Variants in RBFOX1 observed in about 807,000 individuals in gnomAD.
RBFOX1 encodes RNA binding fox-1 homolog 1.
RBFOX1 carries 8 observed loss-of-function variants against 57.7 expected under a neutral mutation model. That is an observed-to-expected ratio of 0.14 (90% CI 0.08 to 0.25). The LOEUF (loss-of-function observed/expected upper bound fraction) is 0.25, where lower values mean the gene tolerates loss of function less well. Among genes scored for constraint, RBFOX1 ranks in the 10% least tolerant of loss-of-function variants. RBFOX1 has a pLI of 1.00. For synonymous variants in RBFOX1, 326 were observed against 222.4 expected (o/e 1.47, Z -4.15); for missense variants, 611 against 548.5 (o/e 1.11, Z -1.14).
rs369724208 is a variant in RBFOX1 at position 7,119,924 on chromosome 16, T to C, written c.27+67826T>C. The stretch of plus-strand genomic sequence containing the variant: ...CCGTTCTGTTCAAGTCCACATGAGA[T>C]ATTTACCAAGATAAACCATATTCTG... On this transcript the variant is annotated intron_variant, in intron 4 of 15. Transcript: ENST00000550418. Among the ~76,000 whole-genome samples, 60 of 152,278 alleles carry C rather than the reference T, an allele frequency of 3.9e-4. No homozygotes were observed. The East Asian group carries it at 0.01, about 25-fold the overall frequency.
chr16:7,122,772 T>C (rs1174794513), intron 4 of RBFOX1, among the ~76,000 whole-genome samples: 1 of 152,178 alleles, frequency 6.6e-6, no homozygotes, highest in East Asian at 1.9e-4. Context: ...TGTCTGTGTA[T>C]AGCAACTCTA....
chr16:7,245,062 C>T (rs1488583211), intron 4 of RBFOX1, among the ~76,000 whole-genome samples: 2 of 152,250 alleles, frequency 1.3e-5, no homozygotes, highest in East Asian at 3.9e-4. Flanking sequence ...TGATTGTTTA[C>T]CTAAGAGAGT....
At position 6,680,899 on chromosome 16, in the gene RBFOX1, T is replaced by C. The variant is rs150136355; in HGVS notation, c.-16+26249T>C. 8.3e-3 allele frequency among the ~76,000 whole-genome samples: 1,270 copies of C among 152,358 alleles called. 60 individuals carry two copies. The highest frequency in any genetic ancestry group is 0.076 in the Admixed American group (1,156 of 15,296). On this transcript the variant is annotated intron_variant, in intron 3 of 15. Coordinates refer to ENST00000550418, the MANE Select transcript of RBFOX1 (RefSeq NM_018723.4). Reference sequence around the variant, plus strand: ...CATGGTGAGCATAGAATTGAATCAATATTTATACAAAGATTACAATATAAA... The same window carrying C: ...CATGGTGAGCATAGAATTGAATCAACATTTATACAAAGATTACAATATAAA...
At chr16:7,121,485 G>A (rs1765818729) in intron 4 of RBFOX1, among the ~76,000 whole-genome samples, 1 of 151,936 alleles carries the variant, frequency 6.6e-6, no homozygotes, top group Admixed American at 6.6e-5. Flanking sequence ...TCCAAAAAAT[G>A]CAATACTTAG....
Position 5,831,355 on chromosome 16 carries a change from C to G in RBFOX1, c.319-35948C>G, listed in dbSNP as rs369596028. Among the ~76,000 whole-genome samples the G allele has an allele frequency of 4.0e-4, 61 of 152,254 alleles. No homozygotes were observed. The East Asian group carries it at 6.2e-3, about 15-fold the overall frequency. On this transcript the variant is annotated intron_variant, in intron 3 of 19. Transcript: ENST00000641259. ...TCTTGCTCCTGCTCTGGCCATGGGACCTGCCTGTTCCCACTTGGCTTTCCA... is the reference window on the plus strand; with the variant it reads ...TCTTGCTCCTGCTCTGGCCATGGGAGCTGCCTGTTCCCACTTGGCTTTCCA...
intron 1 of RBFOX1, among the ~76,000 whole-genome samples, chr16:6,052,601 G>A (rs913980238): frequency 2.1e-4 from 32 of 151,834 alleles, no homozygotes; most frequent in African/African-American, 7.3e-4. Context: ...TGGCTAACTT[G>A]GTGAAACTCT....
chr16:6,962,912 G>T (rs1467542268), intron 3 of RBFOX1, among the ~76,000 whole-genome samples: 1 of 134,044 alleles, frequency 7.5e-6, no homozygotes, highest in Non-Finnish European at 1.6e-5. Flanking sequence ...GGGATGGGGT[G>T]ATTTGGGTGG....
chr16:5,511,532 C>G (rs1196745788), intron 2 of RBFOX1, among the ~76,000 whole-genome samples: 1 of 152,150 alleles, frequency 6.6e-6, no homozygotes, highest in Non-Finnish European at 1.5e-5. Context: ...TCATCTGTTA[C>G]TTCCCTCCTT....
At chr16:5,395,104 G>A (rs531115665) in intron 1 of RBFOX1, among the ~76,000 whole-genome samples, 177 of 152,274 alleles carry the variant, frequency 1.2e-3, no homozygotes, top group Non-Finnish European at 1.9e-3. Flanking sequence ...AGCATGGTTC[G>A]TTTTCTTTAG....
chr16:5,361,549 G>C (rs1305078855), intron 1 of RBFOX1, among the ~76,000 whole-genome samples: 2 of 152,222 alleles, frequency 1.3e-5, no homozygotes, highest in Non-Finnish European at 2.9e-5. Context: ...ATATAAAATT[G>C]TGAGGCCGCT....
At chr16:6,619,801 C>T (rs1375339785) in intron 2 of RBFOX1, among the ~76,000 whole-genome samples, 2 of 148,862 alleles carry the variant, frequency 1.3e-5, no homozygotes, top group African/African-American at 5.0e-5. Flanking sequence ...ATGATTTCAT[C>T]ATCCAGATGG....
intron 3 of RBFOX1, among the ~76,000 whole-genome samples, chr16:6,996,604 T>G (rs1445181205): frequency 6.6e-6 from 1 of 152,216 alleles, no homozygotes; most frequent in Non-Finnish European, 1.5e-5. Flanking sequence ...CTTTAGGCAC[T>G]GTATTTTCAT....
intron 1 of RBFOX1, among the ~76,000 whole-genome samples, chr16:6,159,279 G>A (rs1032732384): frequency 2.6e-5 from 4 of 152,074 alleles, no homozygotes; most frequent in African/African-American, 9.7e-5. Flanking sequence ...GTTTCACCAT[G>A]TTGGCCAAGT....
chr16:6,444,342 G>C (rs2094443755), intron 2 of RBFOX1, among the ~76,000 whole-genome samples: 1 of 152,118 alleles, frequency 6.6e-6, no homozygotes, highest in Non-Finnish European at 1.5e-5. Context: ...ACATGGTTTG[G>C]CTGTGACCCC....
rs536150109 is a variant in RBFOX1, at chr16:6,924,402, C to G, written c.-15-127655C>G. On this transcript the variant is annotated intron_variant, in intron 3 of 15. Coordinates refer to ENST00000550418, the MANE Select transcript of RBFOX1 (RefSeq NM_018723.4). Reference sequence around the variant, plus strand: ...GGAGGTGCCAGCCTCCTTTAAACAACCAGATCTCGTGTGAACTAACAGAGT... The same window carrying G: ...GGAGGTGCCAGCCTCCTTTAAACAAGCAGATCTCGTGTGAACTAACAGAGT... Among the ~76,000 whole-genome samples the G allele has an allele frequency of 5.5e-4, 84 of 152,028 alleles. 1 individual carries two copies. Among genetic ancestry groups the G allele is most frequent in the African/African-American group, 2.0e-3 (83 of 41,464 alleles).
chr16:6,201,198 A>T (rs2097212875), intron 1 of RBFOX1, among the ~76,000 whole-genome samples: 1 of 152,038 alleles, frequency 6.6e-6, no homozygotes, highest in African/African-American at 2.4e-5. Flanking sequence ...GGCTTTCTTC[A>T]TTCCTCCGTT....
At chr16:7,041,561 A>G (rs1227937228) in intron 3 of RBFOX1, among the ~76,000 whole-genome samples, 1 of 152,192 alleles carries the variant, frequency 6.6e-6, no homozygotes, top group African/African-American at 2.4e-5. Flanking sequence ...AATACTAACC[A>G]TTGAATTAAA....
intron 1 of RBFOX1, among the ~76,000 whole-genome samples, chr16:6,179,986 A>G (rs934959966): frequency 5.3e-5 from 8 of 152,258 alleles, no homozygotes; most frequent in African/African-American, 1.2e-4. Flanking sequence ...AGATGATCAT[A>G]TGGTGTATGT....
intron 3 of RBFOX1, among the ~76,000 whole-genome samples, chr16:6,772,984 T>G (rs1226599290): frequency 5.6e-5 from 8 of 144,108 alleles, no homozygotes; most frequent in African/African-American, 2.2e-4. Flanking sequence ...TGTGCGTGTG[T>G]GTGGGTGTGG....
Sources: allele counts gnomAD v4.1 joint callset (sites outside exome capture counted in the v4.1 genomes callset), GRCh38; gene constraint gnomAD v4.1.1; transcripts MANE v1.5; gene names NCBI Gene and HGNC (gene_info 2026-07-23, HGNC 2026-07-21).